Variants in GRIPAP1 observed in about 807,000 individuals in gnomAD.
GRIPAP1 encodes GRIP1 associated protein 1.
Under a neutral mutation model 84.1 loss-of-function variants are expected in GRIPAP1, and 14 were observed. That is an observed-to-expected ratio of 0.17 (90% CI 0.11 to 0.26). The LOEUF is 0.26. Ranked by LOEUF, GRIPAP1 falls within the 10% of genes least tolerant of loss-of-function variation. The pLI is 1.00. For missense variants in GRIPAP1, 518 were observed against 674.2 expected (o/e 0.77, Z 2.57); for synonymous variants, 261 against 256.8 (o/e 1.02, Z -0.15).
intron 6 of GRIPAP1, chrX:48,991,319 A>G (rs1242559958): frequency 2.7e-5 from 11 of 410,817 alleles, no homozygotes; most frequent in Non-Finnish European, 4.2e-5. Flanking sequence ...TTGCTCTGTC[A>G]CCCAGGCTGG....
At chrX:48,980,883 C>CAA in intron 21 of GRIPAP1, 1 of 183,635 alleles carries the variant, frequency 5.4e-6, no homozygotes, top group Non-Finnish European at 9.7e-6. Flanking sequence ...AACTCTGTCT[C>CAA]AAAAAAAAAA....
At chrX:48,975,772 G>A (rs2064418825) in intron 24 of GRIPAP1, 2 of 400,841 alleles carry the variant, frequency 5.0e-6, no homozygotes, top group Admixed American at 4.8e-5. Context: ...ACAGGGAGAG[G>A]AAAGGAGAAA....
chrX:48,998,902 G>A (rs1557067522), intron 3 of GRIPAP1: 3 of 240,077 alleles, frequency 1.2e-5, no homozygotes, highest in Non-Finnish European at 2.2e-5. Flanking sequence ...TGGGAAGTAG[G>A]AGCACAAGGC....
At chrX:48,992,524 C>A (rs2064525716) in intron 6 of GRIPAP1, among the ~76,000 whole-genome samples, 1 of 112,213 alleles carries the variant, frequency 8.9e-6, no homozygotes, top group Non-Finnish European at 1.9e-5. Context: ...AAATCCCATT[C>A]TCAATCCTTG....
At chrX:48,985,030 A>T (rs1207396402) in intron 14 of GRIPAP1, among the ~76,000 whole-genome samples, 2 of 111,543 alleles carry the variant, frequency 1.8e-5, no homozygotes, top group South Asian at 3.7e-4. Context: ...TCAAAAAAAA[A>T]TTAAATTAAA....
chrX:48,980,342 A>G (rs1219515409), intron 21 of GRIPAP1, among the ~76,000 whole-genome samples: 2 of 109,444 alleles, frequency 1.8e-5, no homozygotes, highest in Non-Finnish European at 3.8e-5. Context: ...CTGACTATGT[A>G]TAAGTCTGTC....
chrX:48,995,261 G>C (rs1428568380), intron 5 of GRIPAP1, among the ~76,000 whole-genome samples: 2 of 111,809 alleles, frequency 1.8e-5, no homozygotes, highest in Non-Finnish European at 3.8e-5. Flanking sequence ...GCAGATGCAG[G>C]GAAACAAGCT....
At chrX:48,975,448 A>T in intron 24 of GRIPAP1, 139 bp from the exon 25 acceptor site, 1 of 546,369 alleles carries the variant, frequency 1.8e-6, no homozygotes, top group Non-Finnish European at 2.8e-6. Flanking sequence ...AGAGGCTTTG[A>T]CATACAAAAC....
At chrX:48,994,956 ATTAT>A (rs782424988) in intron 5 of GRIPAP1, among the ~76,000 whole-genome samples, 2 of 112,017 alleles carry the variant, frequency 1.8e-5, no homozygotes, top group African/African-American at 6.5e-5. Flanking sequence ...CACTACTAGT[ATTAT>A]TTGTTTACTG....
At chrX:48,974,367 C>G in intron 25 of GRIPAP1, 82 bp from the exon 26 acceptor site, 1 of 575,134 alleles carries the variant, frequency 1.7e-6, no homozygotes, top group East Asian at 3.5e-5. Context: ...TCTGTGATTT[C>G]CCTCACACCC....
chrX:48,996,787 TAAA>T (rs1450200350), intron 5 of GRIPAP1, among the ~76,000 whole-genome samples: 1 of 111,764 alleles, frequency 8.9e-6, no homozygotes, highest in Non-Finnish European at 1.9e-5. Context: ...GACAGGACAC[TAAA>T]ATCAATGGGG....
At chrX:48,999,094 T>C (rs782729542) in intron 3 of GRIPAP1, 144 bp downstream of exon 3, 90 of 397,518 alleles carry the variant, frequency 2.3e-4, no homozygotes, top group Non-Finnish European at 3.7e-4. Flanking sequence ...GAGAATTCCA[T>C]TGAGAATCCT....
intron 17 of GRIPAP1, among the ~76,000 whole-genome samples, chrX:48,982,391 T>A (rs1051243929): frequency 8.9e-6 from 1 of 112,556 alleles, no homozygotes; most frequent in African/African-American, 3.2e-5. Context: ...AAGGTTCTTT[T>A]TCCGAGACAG....
chrX:48,989,443 T>C (rs985335240), intron 11 of GRIPAP1, among the ~76,000 whole-genome samples, 168 bp downstream of exon 11: 1 of 110,872 alleles, frequency 9.0e-6, no homozygotes, highest in Middle Eastern at 4.7e-3. Context: ...CCTATAACAA[T>C]TCCTAGGGCT....
At chrX:48,978,869 TG>T (rs2064437585) in intron 21 of GRIPAP1, among the ~76,000 whole-genome samples, 1 of 100,219 alleles carries the variant, frequency 1.0e-5, no homozygotes, top group Non-Finnish European at 2.0e-5. Flanking sequence ...CACTCCAGCC[TG>T]GGTGACAGAG....
chrX:48,978,985 T>C (rs1266433152), intron 21 of GRIPAP1, among the ~76,000 whole-genome samples: 2 of 105,816 alleles, frequency 1.9e-5, no homozygotes, highest in African/African-American at 7.0e-5. Flanking sequence ...ATGGAAGAGG[T>C]TGGAGAAAGA....
chrX:48,981,721 G>A, intron 18 of GRIPAP1, 30 bp from the exon 19 acceptor site: 1 of 1,169,326 alleles, frequency 8.6e-7, no homozygotes, highest in Non-Finnish European at 1.2e-6. Flanking sequence ...TTAGGCATTG[G>A]CTTGGGAAGC....
chrX:48,983,447 G>A lies in GRIPAP1; in HGVS notation c.1273-7C>T, dbSNP rs782728014. ...CCTTCCGCTTCTCCGCACTCTGGGG[G>A]CCAGGACGATGGCAGTCAACTTCCT... On this transcript the variant is annotated splice_region_variant and splice_polypyrimidine_tract_variant and intron_variant, in intron 15 of 25. Coordinates refer to ENST00000376423, the MANE Select transcript of GRIPAP1 (RefSeq NM_020137.5). The A allele has an allele frequency of 1.3e-5, 16 of 1,197,783 alleles. No individual in the cohort carries two copies. The highest frequency in any genetic ancestry group is 1.8e-5 in the Non-Finnish European group (16 of 884,760).
Position 48,991,115 on chromosome X carries a change from T to G in GRIPAP1, c.458-5A>C. On this transcript the variant is annotated splice_region_variant and splice_polypyrimidine_tract_variant and intron_variant, in intron 6 of 25. Coordinates refer to ENST00000376423, the MANE Select transcript of GRIPAP1 (RefSeq NM_020137.5). ...TCCCATAGCGTTCCTGCAGGGCTGG[T>G]GAGTAGAACAGGGATATATGATGGA... The G allele has an allele frequency of 1.7e-6, 2 of 1,166,751 alleles. No individual in the cohort carries two copies. Among genetic ancestry groups the G allele is most frequent in the Non-Finnish European group, 2.3e-6 (2 of 854,316 alleles).
Sources: allele counts gnomAD v4.1 joint callset (sites outside exome capture counted in the v4.1 genomes callset), GRCh38; gene constraint gnomAD v4.1.1; transcripts MANE v1.5; gene names NCBI Gene and HGNC (gene_info 2026-07-23, HGNC 2026-07-21).